UBE3D: variants seen among roughly 807,000 people sequenced by gnomAD.
The protein encoded by UBE3D is ubiquitin protein ligase E3D.
UBE3D carries 48 observed loss-of-function variants against 49.6 expected under a neutral mutation model. That is an observed-to-expected ratio of 0.97 (90% confidence interval 0.77 to 1.23). UBE3D has a LOEUF of 1.23. Among genes scored for constraint, UBE3D ranks in the 50% most tolerant of loss-of-function variants. The probability of loss-of-function intolerance (pLI) is 0.00; values close to 1 mark genes in which losing one functional copy is unlikely to be tolerated. For synonymous variants in UBE3D, 189 were observed against 174.2 expected, an observed-to-expected ratio of 1.08 and a Z score of -0.67; for missense variants, 452 against 468.4, an observed-to-expected ratio of 0.96 and a Z score of 0.32.
chr6:83,013,599 C>G lies in UBE3D; in HGVS notation c.1010+5374G>C, dbSNP rs534024476. Reference sequence around the variant, plus strand: ...CACCCAAATGAGGGATGTGTTGCCTCCAAAATCTTACTAGGCCTACCAGGC... The same window carrying G: ...CACCCAAATGAGGGATGTGTTGCCTGCAAAATCTTACTAGGCCTACCAGGC... On this transcript the variant is annotated intron_variant, in intron 8 of 9. Coordinates refer to ENST00000369747, the MANE Select transcript of UBE3D (RefSeq NM_198920.3). 2.6e-5 allele frequency among the ~76,000 whole-genome samples: 4 copies of G among 152,254 alleles called. No homozygotes were observed. In the South Asian group the frequency reaches 8.3e-4, roughly 32 times the overall value.
chr6:83,060,341 G>T (rs1473605194), intron 1 of UBE3D, among the ~76,000 whole-genome samples: 1 of 152,198 alleles, frequency 6.6e-6, no homozygotes, highest in African/African-American at 2.4e-5. Flanking sequence ...GTGGGAGAAT[G>T]GAGTTACAAA....
chr6:82,902,563 G>A (rs1290739786), intron 9 of UBE3D, among the ~76,000 whole-genome samples: 1 of 152,132 alleles, frequency 6.6e-6, no homozygotes. Flanking sequence ...TTTTTGAATT[G>A]ACAAAATTTT....
intron 9 of UBE3D, among the ~76,000 whole-genome samples, chr6:82,944,674 C>A (rs1213629740): frequency 1.3e-5 from 2 of 152,174 alleles, no homozygotes; most frequent in African/African-American, 4.8e-5. Flanking sequence ...GTCCCTGAGT[C>A]CAGGACTTGG....
At position 82,939,511 on chromosome 6, in the gene UBE3D, A is replaced by C. The variant is rs574671722; in HGVS notation, c.1149+17801T>G. Among the ~76,000 whole-genome samples the C allele has an allele frequency of 2.0e-5, 3 of 152,270 alleles. 1 individual carries two copies. Among genetic ancestry groups the C allele is most frequent in the African/African-American group, 7.2e-5 (3 of 41,556 alleles). On this transcript the variant is annotated intron_variant, in intron 9 of 9. Transcript: ENST00000369747. The stretch of plus-strand genomic sequence containing the variant: ...GAGTACACCACTTTTTATCTTTTGT[A>C]CCATATTTTTACTGTACCTTTTCTA...
chr6:82,997,309 A>G (rs10943921), intron 8 of UBE3D, among the ~76,000 whole-genome samples: 14,753 of 152,286 alleles, frequency 0.097, 819 homozygotes, highest in Non-Finnish European at 0.13. Context: ...CATGAAATAC[A>G]TTATGGAATA....
At chr6:82,991,012 T>C (rs533656164) in intron 8 of UBE3D, among the ~76,000 whole-genome samples, 63 of 152,108 alleles carry the variant, frequency 4.1e-4, no homozygotes, top group Non-Finnish European at 8.7e-4. Context: ...GGATGGGGGA[T>C]AGGGTTACTG....
At position 83,024,012 on chromosome 6, in the gene UBE3D, T is replaced by C; in HGVS notation, c.694A>G (p.Ile232Val). The change falls in exon 6 of 10, where the codon ATA becomes GTA. Residue 232 changes from isoleucine to valine, a missense_variant. By Grantham distance (29) the Ile-to-Val change is conservative (BLOSUM62 3). Transcript: ENST00000369747. ...CTCCTCTCAGATGACTGAATAATTATCTCTGTCATATAAAACTTGGTGGTT... is the reference window on the plus strand; with the variant it reads ...CTCCTCTCAGATGACTGAATAATTACCTCTGTCATATAAAACTTGGTGGTT... ...SETTKFYMTE[I>V]IIQSSERSFP... The C allele has an allele frequency of 2.0e-6, 3 of 1,535,908 alleles. No individual in the cohort carries two copies. Among genetic ancestry groups the C allele is most frequent in the Non-Finnish European group, 2.6e-6 (3 of 1,147,918 alleles).
At chr6:82,959,668 T>C (rs1023281938) in intron 8 of UBE3D, among the ~76,000 whole-genome samples, 1 of 141,886 alleles carries the variant, frequency 7.0e-6, no homozygotes, top group Non-Finnish European at 1.5e-5. Flanking sequence ...AAGAATTGGC[T>C]CTGTTTCTTT....
chr6:83,043,853 T>C (rs1782841172), intron 4 of UBE3D, among the ~76,000 whole-genome samples: 1 of 152,094 alleles, frequency 6.6e-6, no homozygotes, highest in African/African-American at 2.4e-5. Context: ...TGAGAGAAAA[T>C]TGCCTTCTTC....
intron 1 of UBE3D, 77 bp downstream of exon 1, chr6:83,065,565 A>T (rs565793783): frequency 3.2e-5 from 44 of 1,382,066 alleles, no homozygotes; most frequent in Non-Finnish European, 4.4e-5. Context: ...CCTCGTACAG[A>T]GAGAGACTCA....
chr6:82,941,982 A>G (rs1234924067), intron 9 of UBE3D, among the ~76,000 whole-genome samples: 2 of 152,232 alleles, frequency 1.3e-5, no homozygotes, highest in African/African-American at 2.4e-5. Flanking sequence ...GCTGCTATAA[A>G]TATACCCAAA....
At chr6:82,884,718 AGAT>A in the UBE3D span, among the ~76,000 whole-genome samples, 19 of 152,264 alleles carry the variant, frequency 1.2e-4, no homozygotes, top group African/African-American at 4.6e-4. Context: ...TGGAACACTG[AGAT>A]TTTACACTGG....
chr6:82,894,449 G>A (rs539161319), intron 9 of UBE3D, among the ~76,000 whole-genome samples: 1 of 152,012 alleles, frequency 6.6e-6, no homozygotes, highest in African/African-American at 2.4e-5. Flanking sequence ...AAGCCATACT[G>A]CCCAGACCCC....
At chr6:82,900,859 T>G (rs754491816) in intron 9 of UBE3D, among the ~76,000 whole-genome samples, 15 of 152,204 alleles carry the variant, frequency 9.9e-5, no homozygotes, top group Admixed American at 5.9e-4. Context: ...CTGGACAATT[T>G]TATTTCACAC....
chr6:82,975,281 C>T (rs1321592294), intron 8 of UBE3D, among the ~76,000 whole-genome samples: 1 of 151,984 alleles, frequency 6.6e-6, no homozygotes, highest in Non-Finnish European at 1.5e-5. Flanking sequence ...TAAATGATGA[C>T]TGTAGATTTA....
chr6:82,974,334 T>C (rs1351694457), intron 8 of UBE3D, among the ~76,000 whole-genome samples: 3 of 152,152 alleles, frequency 2.0e-5, no homozygotes. Context: ...TCCCTACGTA[T>C]CCATAGGGGA....
intron 8 of UBE3D, among the ~76,000 whole-genome samples, chr6:82,987,761 T>A (rs1014345082): frequency 6.6e-6 from 1 of 152,206 alleles, no homozygotes; most frequent in African/African-American, 2.4e-5. Flanking sequence ...TCAAAAGAGA[T>A]ATGAACAAGA....
At chr6:83,019,745 T>C (rs1243634427) in intron 7 of UBE3D, among the ~76,000 whole-genome samples, 1 of 152,178 alleles carries the variant, frequency 6.6e-6, no homozygotes, top group African/African-American at 2.4e-5. Context: ...TAGAATCATC[T>C]GGAGTCTGGT....
chr6:82,992,368 G>A (rs1778952587), intron 8 of UBE3D, among the ~76,000 whole-genome samples: 1 of 151,906 alleles, frequency 6.6e-6, no homozygotes. Context: ...GATTACAGGT[G>A]CCTGCCACCA....
Sources: allele counts gnomAD v4.1 joint callset (sites outside exome capture counted in the v4.1 genomes callset), GRCh38; gene constraint gnomAD v4.1.1; transcripts MANE v1.5; gene names NCBI Gene and HGNC (gene_info 2026-07-23, HGNC 2026-07-21).